The following MAF variants were observed in gnomAD, a reference collection of about 807,000 sequenced individuals.
The protein encoded by MAF is MAF bZIP transcription factor, also known as transcription factor Maf.
In MAF, 10 loss-of-function variants were observed where a neutral mutation model predicts 22.0. That is an observed-to-expected ratio of 0.45 (90% CI 0.28 to 0.77). MAF has a LOEUF of 0.77. Among genes scored for constraint, MAF ranks in the 30% least tolerant of loss-of-function variants. The probability of loss-of-function intolerance (pLI) is 0.12; values close to 1 mark genes in which losing one functional copy is unlikely to be tolerated. For missense variants in MAF, 544 were observed against 548.4 expected, an observed-to-expected ratio of 0.99 and a Z score of 0.08; for synonymous variants, 337 against 255.8, an observed-to-expected ratio of 1.32 and a Z score of -3.03.
downstream of MAF, among the ~76,000 whole-genome samples, chr16:79,591,103 G>C (rs554570848): frequency 7.2e-5 from 11 of 152,244 alleles, no homozygotes; most frequent in South Asian, 1.7e-3. Context: ...AGTTCTATAA[G>C]GTTTCATCGC....
the MAF span, among the ~76,000 whole-genome samples, chr16:79,493,175 GTTTGTTTTTTTGTT>G: frequency 4.2e-5 from 6 of 143,292 alleles, no homozygotes; most frequent in African/African-American, 1.6e-4. Context: ...TTTGTTTTTT[GTTTGTTTTTTTGTT>G]TTTGTTTTTT....
chr16:79,544,498 G>A, the MAF span, among the ~76,000 whole-genome samples: 4 of 151,990 alleles, frequency 2.6e-5, no homozygotes, highest in Non-Finnish European at 5.9e-5. Flanking sequence ...ATAGCAGCCG[G>A]GCATGGTGGC....
At chr16:79,408,272 G>A in the MAF span, among the ~76,000 whole-genome samples, 2 of 152,100 alleles carry the variant, frequency 1.3e-5, no homozygotes, top group South Asian at 2.1e-4. Flanking sequence ...CACCTCCCGG[G>A]TTTAAGAAAT....
chr16:79,534,421 G>A, the MAF span, among the ~76,000 whole-genome samples: 6 of 152,150 alleles, frequency 3.9e-5, no homozygotes, highest in Non-Finnish European at 7.3e-5. Context: ...GTGTCAGAAA[G>A]CTGTCCTGGA....
At chr16:79,494,512 C>G in the MAF span, among the ~76,000 whole-genome samples, 1 of 152,170 alleles carries the variant, frequency 6.6e-6, no homozygotes, top group African/African-American at 2.4e-5. Flanking sequence ...TTTAAAGACT[C>G]ATGTGATCCG....
chr16:79,599,362 A>G lies in MAF; in HGVS notation c.541T>C (p.Tyr181His). 1 of 994,698 alleles carries G rather than the reference A, an allele frequency of 1.0e-6. No individual in the cohort carries two copies. Among genetic ancestry groups the G allele is most frequent in the Non-Finnish European group, 1.2e-6 (1 of 838,202 alleles). 61.6% of individuals were successfully genotyped at this position (994,698 alleles called of 1,614,324 possible). ...GCGGCGTGGTGGTGGTGGTGGTGGT[A>G]GTGCGGGCCCGCGCCGCTCTGCGCG... ...AAAQSGAGPH[Y>H]HHHHHHAAGH... is the part of the protein sequence containing the mutation. The change falls in exon 1 of 2, where the codon TAC becomes CAC. Residue 181 changes from tyrosine (Y) to histidine (H), a missense_variant. Physicochemically the swap from Tyr to His is moderately conservative, Grantham distance 83. This residue lies in a region of MAF where 342 missense variants were observed against 315.5 expected (regional missense o/e 1.08). Coordinates refer to ENST00000326043, the MANE Select transcript of MAF (RefSeq NM_005360.5).
At chr16:79,204,244 A>T in the MAF span, 1 of 152,160 alleles carries the variant, frequency 6.6e-6, no homozygotes, top group Middle Eastern at 3.2e-3. Context: ...TCTTCCATGG[A>T]TATAAGACAT....
At chr16:79,331,689 T>A in the MAF span, among the ~76,000 whole-genome samples, 3 of 152,174 alleles carry the variant, frequency 2.0e-5, no homozygotes, top group Admixed American at 2.0e-4. Context: ...TCTCCAGCTC[T>A]TGGAGAGTAA....
the MAF span, among the ~76,000 whole-genome samples, chr16:79,566,450 C>G: frequency 7.2e-5 from 11 of 152,294 alleles, no homozygotes; most frequent in East Asian, 2.1e-3. Flanking sequence ...GCTGAGCTGA[C>G]GGAGTGATGG....
chr16:79,287,118 CT>C, the MAF span, among the ~76,000 whole-genome samples: 96,570 of 136,168 alleles, frequency 0.71, 34,433 homozygotes, highest in East Asian at 0.88. Flanking sequence ...CTCTGCCTTC[CT>C]TTTTTTTTTT....
the MAF span, among the ~76,000 whole-genome samples, chr16:79,430,766 G>A: frequency 1.3e-5 from 2 of 152,334 alleles, no homozygotes; most frequent in Non-Finnish European, 2.9e-5. Flanking sequence ...CCATCAGGGT[G>A]AGCACGGCCC....
the MAF span, among the ~76,000 whole-genome samples, chr16:79,453,027 G>T: frequency 1.3e-5 from 2 of 152,198 alleles, no homozygotes; most frequent in Non-Finnish European, 2.9e-5. Context: ...GGAGCTAGCT[G>T]TTGACAGATG....
At chr16:79,572,076 G>A in the MAF span, among the ~76,000 whole-genome samples, 1 of 152,146 alleles carries the variant, frequency 6.6e-6, no homozygotes, top group Non-Finnish European at 1.5e-5. Flanking sequence ...ATGGCTTAAG[G>A]GGATTCCACC....
chr16:79,256,427 C>T, the MAF span, among the ~76,000 whole-genome samples: 5 of 152,098 alleles, frequency 3.3e-5, no homozygotes, highest in African/African-American at 1.2e-4. Context: ...GGTGAGTTAG[C>T]GGGTTCGTAC....
chr16:79,219,763 T>G, the MAF span, among the ~76,000 whole-genome samples: 1 of 152,116 alleles, frequency 6.6e-6, no homozygotes, highest in Non-Finnish European at 1.5e-5. Context: ...ACCTCAGACT[T>G]CATTCCTACC....
chr16:79,237,431 T>A, the MAF span, among the ~76,000 whole-genome samples: 1 of 152,098 alleles, frequency 6.6e-6, no homozygotes, highest in African/African-American at 2.4e-5. Flanking sequence ...TCTGCTGTAA[T>A]TGGCTAATAA....
chr16:79,278,041 G>A, the MAF span, among the ~76,000 whole-genome samples: 1 of 152,164 alleles, frequency 6.6e-6, no homozygotes, highest in African/African-American at 2.4e-5. Context: ...GGTGCCCCTG[G>A]GGTAATGCCT....
the MAF span, among the ~76,000 whole-genome samples, chr16:79,372,244 A>G: frequency 1.3e-5 from 2 of 152,100 alleles, no homozygotes; most frequent in Non-Finnish European, 2.9e-5. Flanking sequence ...CCTTGAGCAG[A>G]GGGTGAGGAT....
At chr16:79,544,330 T>C in the MAF span, among the ~76,000 whole-genome samples, 1 of 152,192 alleles carries the variant, frequency 6.6e-6, no homozygotes, top group East Asian at 1.9e-4. Flanking sequence ...ACATGGCAGA[T>C]GGCTACTGCA....
Sources: allele counts gnomAD v4.1 joint callset (sites outside exome capture counted in the v4.1 genomes callset), GRCh38; gene constraint gnomAD v4.1.1; regional missense constraint gnomAD v4.1.1; transcripts MANE v1.5; gene names NCBI Gene and HGNC (gene_info 2026-07-23, HGNC 2026-07-21).